Variants in GALNT13 observed in about 807,000 individuals in gnomAD.
The protein encoded by GALNT13 is UDP-GalNAc:polypeptide N-acetylgalactosaminyltransferase 13.
A neutral mutation model predicts 64.2 loss-of-function variants in GALNT13; 28 were observed. The observed-to-expected ratio is 0.44, with a 90% CI of 0.32 to 0.60. GALNT13 has a LOEUF of 0.60. Among genes scored for constraint, GALNT13 ranks in the 20% least tolerant of loss-of-function variants. The probability of loss-of-function intolerance (pLI) is 0.05; values close to 1 mark genes in which losing one functional copy is unlikely to be tolerated. For synonymous variants in GALNT13, 214 were observed against 224.6 expected, an observed-to-expected ratio of 0.95 and a Z score of 0.42; for missense variants, 577 against 669.8, an observed-to-expected ratio of 0.86 and a Z score of 1.53.
At chr2:154,259,963 G>A (rs924037005) in intron 8 of GALNT13, among the ~76,000 whole-genome samples, 18 of 152,230 alleles carry the variant, frequency 1.2e-4, no homozygotes, top group African/African-American at 4.1e-4. Flanking sequence ...GCTCACTGCA[G>A]CCTAGACCTC....
At chr2:153,125,207 C>T in the GALNT13 span, among the ~76,000 whole-genome samples, 3 of 152,140 alleles carry the variant, frequency 2.0e-5, no homozygotes, top group South Asian at 6.2e-4. Context: ...GGTCAGGCAA[C>T]CAATTAGTAA....
At chr2:154,304,220 A>G (rs1466581598) in intron 9 of GALNT13, among the ~76,000 whole-genome samples, 1 of 152,192 alleles carries the variant, frequency 6.6e-6, no homozygotes. Flanking sequence ...TCTATGTTAA[A>G]AAGCTATTAC....
intron 3 of GALNT13, among the ~76,000 whole-genome samples, chr2:154,108,983 A>G (rs1314769373): frequency 6.6e-6 from 1 of 152,026 alleles, no homozygotes; most frequent in Non-Finnish European, 1.5e-5. Flanking sequence ...CAATAACTTC[A>G]GCTTTCTTTT....
At chr2:153,566,154 C>G in the GALNT13 span, among the ~76,000 whole-genome samples, 1 of 151,992 alleles carries the variant, frequency 6.6e-6, no homozygotes, top group East Asian at 1.9e-4. Context: ...TATTTCAAAA[C>G]AGAATTCTTT....
the GALNT13 span, among the ~76,000 whole-genome samples, chr2:153,504,822 G>C: frequency 2.6e-5 from 4 of 152,104 alleles, no homozygotes; most frequent in Admixed American, 6.6e-5. Flanking sequence ...ATGTTCATTA[G>C]GGATATTGGT....
the GALNT13 span, among the ~76,000 whole-genome samples, chr2:153,699,951 A>T: frequency 6.6e-6 from 1 of 152,230 alleles, no homozygotes; most frequent in Admixed American, 6.5e-5. Flanking sequence ...AAACTATTCA[A>T]AACAATTGAA....
At chr2:153,144,715 G>A in the GALNT13 span, among the ~76,000 whole-genome samples, 14 of 151,866 alleles carry the variant, frequency 9.2e-5, no homozygotes, top group Non-Finnish European at 1.8e-4. Flanking sequence ...TAGAAGACTA[G>A]AAGAGGAAAA....
At chr2:154,115,507 G>A (rs1473747708) in intron 3 of GALNT13, among the ~76,000 whole-genome samples, 1 of 151,826 alleles carries the variant, frequency 6.6e-6, no homozygotes, top group African/African-American at 2.4e-5. Context: ...TGCAACTTCT[G>A]CCTCCCAGGT....
chr2:154,224,024 G>A (rs796902127), intron 4 of GALNT13, among the ~76,000 whole-genome samples: 1 of 151,962 alleles, frequency 6.6e-6, no homozygotes, highest in South Asian at 2.1e-4. Flanking sequence ...AAAAAAAGAA[G>A]TTTACATTAT....
At chr2:153,394,451 C>G in the GALNT13 span, among the ~76,000 whole-genome samples, 1 of 152,130 alleles carries the variant, frequency 6.6e-6, no homozygotes, top group East Asian at 1.9e-4. Flanking sequence ...CCAGTTGACT[C>G]TGAAGAAAAC....
At chr2:153,451,602 C>A in the GALNT13 span, among the ~76,000 whole-genome samples, 1 of 152,222 alleles carries the variant, frequency 6.6e-6, no homozygotes, top group Admixed American at 6.5e-5. Flanking sequence ...ATCACATCCA[C>A]ATAATGCACT....
At chr2:153,256,130 A>T in the GALNT13 span, among the ~76,000 whole-genome samples, 3,474 of 151,954 alleles carry the variant, frequency 0.023, 145 homozygotes, top group African/African-American at 0.079. Flanking sequence ...TGGTCTTTTC[A>T]CATAGTCCCA....
At chr2:153,284,161 A>G in the GALNT13 span, among the ~76,000 whole-genome samples, 4 of 152,142 alleles carry the variant, frequency 2.6e-5, no homozygotes, top group Non-Finnish European at 5.9e-5. Flanking sequence ...AGAGAGCCCT[A>G]CTGCACCACA....
rs1265378447 is a variant in GALNT13 at position 154,242,185 on chromosome 2, C to A, written c.467C>A (p.Ala156Asp). ...LLSEVILVDDASERDFLKLTL... is the reference protein window; with the variant it reads ...LLSEVILVDDDSERDFLKLTL... ...TCAGAGGTCATCTTGGTAGATGATGCCAGTGAAAGAGGTACAAACTGGTTT... is the reference window on the plus strand; with the variant it reads ...TCAGAGGTCATCTTGGTAGATGATGACAGTGAAAGAGGTACAAACTGGTTT... The change falls in exon 5 of 13, where the codon GCC (alanine) becomes GAC (aspartate). Residue 156 changes from alanine to aspartate, a missense_variant. This residue lies in a region of GALNT13 where 341 missense variants were observed against 379.3 expected (regional missense o/e 0.90). Coordinates refer to ENST00000392825, the MANE Select transcript of GALNT13 (RefSeq NM_052917.4). The A allele has an allele frequency of 1.2e-6, 2 of 1,607,168 alleles. No individual in the cohort carries two copies. Among genetic ancestry groups the A allele is most frequent in the Admixed American group, 1.7e-5 (1 of 58,662 alleles).
At chr2:154,087,234 G>C (rs1701576071) in intron 3 of GALNT13, among the ~76,000 whole-genome samples, 1 of 151,484 alleles carries the variant, frequency 6.6e-6, no homozygotes, top group Non-Finnish European at 1.5e-5. Flanking sequence ...CAATTTTTCA[G>C]ACTCTTCTGT....
At chr2:153,194,998 C>T in the GALNT13 span, among the ~76,000 whole-genome samples, 13 of 152,144 alleles carry the variant, frequency 8.5e-5, no homozygotes, top group African/African-American at 1.7e-4. Flanking sequence ...TTTGGAGCCC[C>T]GGGTGGTATA....
At chr2:153,312,279 C>T in the GALNT13 span, among the ~76,000 whole-genome samples, 10 of 152,172 alleles carry the variant, frequency 6.6e-5, no homozygotes, top group Non-Finnish European at 1.3e-4. Context: ...TACAGGTTAG[C>T]TCTGTGGAGT....
intron 4 of GALNT13, among the ~76,000 whole-genome samples, chr2:154,146,136 GTATA>G (rs145289172): frequency 4.0e-5 from 6 of 148,298 alleles, no homozygotes; most frequent in Non-Finnish European, 4.5e-5. Flanking sequence ...GTGTGTGTGT[GTATA>G]TATATATATA....
intron 8 of GALNT13, among the ~76,000 whole-genome samples, chr2:154,271,696 TCTAA>T (rs899126380): frequency 2.0e-5 from 3 of 151,956 alleles, no homozygotes; most frequent in African/African-American, 7.2e-5. Flanking sequence ...TCGTCTACTA[TCTAA>T]CCAATCATGA....
Sources: gnomAD v4.1 joint callset for allele counts (sites outside exome capture counted in the v4.1 genomes callset) on GRCh38, gnomAD v4.1.1 for gene constraint, gnomAD v4.1.1 regional missense constraint, MANE v1.5 for transcripts, NCBI Gene and HGNC (gene_info 2026-07-23, HGNC 2026-07-21) for gene names.